The following PEAK1 variants were observed in gnomAD, a reference collection of about 807,000 sequenced individuals.
PEAK1 encodes pseudopodium enriched atypical kinase 1.
In PEAK1, 54 loss-of-function variants were observed where a neutral mutation model predicts 124.7. That is an observed-to-expected ratio of 0.43 (90% CI 0.35 to 0.54). PEAK1 has a LOEUF of 0.54. PEAK1 is among the 20% of genes least tolerant of loss of function. The probability of loss-of-function intolerance (pLI) is 0.01; values close to 1 mark genes in which losing one functional copy is unlikely to be tolerated. For synonymous variants in PEAK1, 719 were observed against 760.0 expected, an observed-to-expected ratio of 0.95 and a Z score of 0.89; for missense variants, 2,046 against 2,134.5, an observed-to-expected ratio of 0.96 and a Z score of 0.82.
chr15:77,157,560 G>A (rs1475324640), intron 8 of PEAK1: 2 of 152,232 alleles, frequency 1.3e-5, no homozygotes, highest in African/African-American at 4.8e-5. Context: ...AACCCTCTTT[G>A]CAGTGCAGCA....
At chr15:77,341,130 G>A (rs193133427) in intron 2 of PEAK1, among the ~76,000 whole-genome samples, 74 of 152,124 alleles carry the variant, frequency 4.9e-4, no homozygotes, top group African/African-American at 1.7e-3. Flanking sequence ...TAGAGGGTCC[G>A]AAGTGCAGAG....
intron 7 of PEAK1, among the ~76,000 whole-genome samples, chr15:77,161,950 AGT>A (rs1178502521): frequency 1.7e-5 from 2 of 117,302 alleles, no homozygotes; most frequent in Non-Finnish European, 3.4e-5. Flanking sequence ...TGGGTGACAG[AGT>A]GAGACTCTGT....
intron 6 of PEAK1, among the ~76,000 whole-genome samples, chr15:77,217,987 A>T (rs182434967): frequency 3.8e-4 from 58 of 152,332 alleles, no homozygotes; most frequent in Non-Finnish European, 6.9e-4. Flanking sequence ...CTACCTTGCT[A>T]AATTTATTTT....
At chr15:77,279,105 G>A (rs1481341187) in intron 5 of PEAK1, among the ~76,000 whole-genome samples, 2 of 30,500 alleles carry the variant, frequency 6.6e-5, no homozygotes, top group South Asian at 6.3e-4. Flanking sequence ...TCGTGTGTGC[G>A]TGTGTGTGTG....
chr15:77,324,752 G>A (rs2065461509), intron 2 of PEAK1, among the ~76,000 whole-genome samples: 1 of 152,112 alleles, frequency 6.6e-6, no homozygotes. Flanking sequence ...TAAATGACCA[G>A]ATCTTGCAAG....
chr15:77,345,907 A>T (rs1035974440), intron 2 of PEAK1: 2 of 984,570 alleles, frequency 2.0e-6, no homozygotes, highest in Non-Finnish European at 2.4e-6. Flanking sequence ...AATCAAACTC[A>T]TTTAAAGCCT....
chr15:77,154,214 C>G, intron 8 of PEAK1, among the ~76,000 whole-genome samples: 1 of 152,156 alleles, frequency 6.6e-6, no homozygotes, highest in Non-Finnish European at 1.5e-5. Flanking sequence ...TCTTATTTTT[C>G]AATTGATCCC....
At chr15:77,263,802 C>CA (rs907407038) in intron 5 of PEAK1, among the ~76,000 whole-genome samples, 12 of 151,600 alleles carry the variant, frequency 7.9e-5, no homozygotes, top group East Asian at 3.9e-4. Context: ...GACACAACAA[C>CA]AAAAAAAAGA....
chr15:77,186,535 T>C (rs2057558030), intron 6 of PEAK1, among the ~76,000 whole-genome samples: 1 of 152,236 alleles, frequency 6.6e-6, no homozygotes, highest in African/African-American at 2.4e-5. Flanking sequence ...TGTGTCCATC[T>C]GTATTCATCT....
rs747211752 is a variant in PEAK1 at position 77,114,383 on chromosome 15, C to T, written c.5014G>A (p.Glu1672Lys). 6.2e-6 allele frequency: 10 copies of T among 1,614,162 alleles called. No homozygotes were observed. The highest frequency in any genetic ancestry group is 1.6e-4 in the Middle Eastern group (1 of 6,062). The change falls in exon 10 of 10, where the codon GAA (glutamate) becomes AAA (lysine). Residue 1672 changes from glutamate (E) to lysine (K), a missense_variant. By Grantham distance (56) the Glu-to-Lys change is moderately conservative. Transcript: ENST00000682557. ...GCGGTGAAAGTCTGGAAGAGATCTTCGCGGGGGCCCCAGAGCAGACACTGG... is the reference window on the plus strand; with the variant it reads ...GCGGTGAAAGTCTGGAAGAGATCTTTGCGGGGGCCCCAGAGCAGACACTGG... The part of the protein sequence containing the change: ...ILQCLLWGPR[E>K]DLFQTFTACP...
intron 6 of PEAK1, among the ~76,000 whole-genome samples, chr15:77,229,652 T>TC (rs1244516366): frequency 1.5e-4 from 22 of 150,646 alleles, no homozygotes; most frequent in African/African-American, 5.1e-4. Context: ...TTTCTTTCTT[T>TC]TTTTTTTTTT....
At chr15:77,122,500 T>C (rs1275096334) in intron 9 of PEAK1, among the ~76,000 whole-genome samples, 1 of 152,194 alleles carries the variant, frequency 6.6e-6, no homozygotes, top group Non-Finnish European at 1.5e-5. Flanking sequence ...AGGGCCCACA[T>C]TAGGAATTCA....
At chr15:77,184,152 AAAC>A (rs748635171) in intron 6 of PEAK1, among the ~76,000 whole-genome samples, 1 of 151,986 alleles carries the variant, frequency 6.6e-6, no homozygotes, top group Non-Finnish European at 1.5e-5. Context: ...GATTGCATTT[AAAC>A]AATATAAAAA....
intron 5 of PEAK1, among the ~76,000 whole-genome samples, chr15:77,267,572 C>A (rs2061803512): frequency 6.6e-6 from 1 of 152,126 alleles, no homozygotes. Context: ...TAGCCCAGAG[C>A]CTAACAGCTC....
At chr15:77,416,240 G>A (rs1051929402) in intron 1 of PEAK1, among the ~76,000 whole-genome samples, 2 of 152,070 alleles carry the variant, frequency 1.3e-5, no homozygotes, top group Non-Finnish European at 2.9e-5. Context: ...GGTCTGTCTG[G>A]CACAGATGGT....
intron 6 of PEAK1, among the ~76,000 whole-genome samples, chr15:77,242,613 C>T: frequency 6.6e-6 from 1 of 151,756 alleles, no homozygotes; most frequent in Non-Finnish European, 1.5e-5. Context: ...ACTTTTTTTT[C>T]CACAAAAGGG....
chr15:77,387,185 A>G (rs1048777424), intron 1 of PEAK1, among the ~76,000 whole-genome samples: 2 of 152,210 alleles, frequency 1.3e-5, no homozygotes, highest in African/African-American at 4.8e-5. Context: ...AATCTTTTCT[A>G]CAAAAACACT....
intron 2 of PEAK1, chr15:77,338,063 T>A (rs1249979055): frequency 3.1e-6 from 3 of 982,918 alleles, no homozygotes; most frequent in Non-Finnish European, 3.6e-6. Flanking sequence ...TGAGCTTTTT[T>A]AGCTATTGGA....
At chr15:77,182,184 T>A in intron 6 of PEAK1, 144 bp from the exon 7 acceptor site, 1 of 702,596 alleles carries the variant, frequency 1.4e-6, no homozygotes, top group Non-Finnish European at 1.9e-6. Context: ...TTGTGTACTT[T>A]GTAATTTCCC....
Sources: gnomAD v4.1 joint callset for allele counts (sites outside exome capture counted in the v4.1 genomes callset) on GRCh38, gnomAD v4.1.1 for gene constraint, MANE v1.5 for transcripts, NCBI Gene and HGNC (gene_info 2026-07-23, HGNC 2026-07-21) for gene names.